Variants in CDAN1 observed in about 807,000 individuals in gnomAD.
The protein encoded by CDAN1 is codanin 1.
Under a neutral mutation model 139.8 loss-of-function variants are expected in CDAN1, and 107 were observed. The observed-to-expected ratio is 0.77, with a 90% CI of 0.65 to 0.90. The LOEUF is 0.90. CDAN1 is among the 40% of genes least tolerant of loss of function. The pLI, the probability that CDAN1 is intolerant of heterozygous loss-of-function variation, is 0.00. For synonymous variants in CDAN1, 776 were observed against 660.6 expected (o/e 1.17, Z -2.68); for missense variants, 1,667 against 1,575.7 (o/e 1.06, Z -0.98).
In CDAN1 at chr15:42,729,903, A is replaced by G; in HGVS notation, c.2263-18T>C. The G allele has an allele frequency of 6.2e-7, 1 of 1,603,504 alleles. No individual in the cohort carries two copies. ...GTGGGAATCTGGCAAGACAGTCACA[A>G]TTCAGGTCAACTTCAGAGACCCCCA... On this transcript the variant is annotated intron_variant, in intron 15 of 27. Coordinates refer to ENST00000356231, the MANE Select transcript of CDAN1 (RefSeq NM_138477.4).
At position 42,725,149 on chromosome 15, in the gene CDAN1, G is replaced by T; in HGVS notation, c.3553C>A (p.Pro1185Thr). ...CLGSLHQAQW[P>T]GDFAEELATL... ...AAAGACAGGAGACTCCTTACCCCTGGCCACTGGGCCTGGTGGAGGCTGCCC... is the reference window on the plus strand; with the variant it reads ...AAAGACAGGAGACTCCTTACCCCTGTCCACTGGGCCTGGTGGAGGCTGCCC... The change falls in exon 27 of 28, where the codon CCA becomes ACA. Residue 1185 changes from proline (P) to threonine (T), a missense_variant. By Grantham distance (38) the Pro-to-Thr change is conservative. Coordinates refer to ENST00000356231, the MANE Select transcript of CDAN1 (RefSeq NM_138477.4). 2 of 1,612,788 alleles carry T rather than the reference G, an allele frequency of 1.2e-6. No individual in the cohort carries two copies. The highest frequency in any genetic ancestry group is 1.7e-6 in the Non-Finnish European group (2 of 1,178,800).
At position 42,731,298 on chromosome 15, in the gene CDAN1, C is replaced by G; in HGVS notation, c.1773G>C (p.Leu591=). 6.2e-7 allele frequency: 1 copy of G among 1,614,116 alleles called. No individual in the cohort carries two copies. The highest frequency in any genetic ancestry group is 8.5e-7 in the Non-Finnish European group (1 of 1,180,022). The change falls in exon 12 of 28, where the codon CTG becomes CTC. Residue 591 remains leucine, a synonymous_variant. Coordinates refer to ENST00000356231, the MANE Select transcript of CDAN1 (RefSeq NM_138477.4). The stretch of plus-strand genomic sequence containing the variant: ...CATTGAGCTCCTGGATCTTCAAGCT[C>G]AGACTGTCCATGAGATGCTGGTTAA... The part of the protein sequence containing the change: ...FQFNQHLMDS[L]SLKIQELNGL...
At chr15:42,731,352 G>A in intron 11 of CDAN1, 21 bp from the exon 12 acceptor site, 1 of 1,612,856 alleles carries the variant, frequency 6.2e-7, no homozygotes, top group Non-Finnish European at 8.5e-7. Context: ...GGGGTGGGTG[G>A]GGCATAAGCA....
chr15:42,724,558 G>A lies in CDAN1; in HGVS notation c.3617C>T (p.Pro1206Leu). The change falls in exon 28 of 28, where the codon CCA becomes CTA. Residue 1206 changes from proline to leucine, a missense_variant. Transcript: ENST00000356231. ...SNLFLAEPHL[P>L]EPQLRACELV... is the part of the protein sequence containing the mutation. Reference sequence around the variant, plus strand: ...CTCACAGGCTCTTAGCTGGGGTTCTGGCAGGTGGGGCTCGGCTAGAAACAG... The same window carrying A: ...CTCACAGGCTCTTAGCTGGGGTTCTAGCAGGTGGGGCTCGGCTAGAAACAG... 1 of 1,557,068 alleles carries A rather than the reference G, an allele frequency of 6.4e-7. No homozygotes were observed. Among genetic ancestry groups the A allele is most frequent in the African/African-American group, 1.4e-5 (1 of 73,558 alleles).
intron 10 of CDAN1, 95 bp from the exon 11 acceptor site, chr15:42,731,920 G>A: frequency 9.1e-7 from 1 of 1,098,522 alleles, no homozygotes; most frequent in Non-Finnish European, 1.4e-6. Context: ...AACATTTAAG[G>A]AATGCCAACT....
At chr15:42,726,482 TGGGACA>T in intron 23 of CDAN1, 65 bp from the exon 24 acceptor site, 1 of 1,333,322 alleles carries the variant, frequency 7.5e-7, no homozygotes. Flanking sequence ...GAATTTGGCT[TGGGACA>T]GGGATCAGCC....
chr15:42,728,744 C>G lies in CDAN1; in HGVS notation c.2712G>C (p.Gln904His). 1.2e-6 allele frequency: 2 copies of G among 1,614,222 alleles called. No homozygotes were observed. The highest frequency in any genetic ancestry group is 1.7e-6 in the Non-Finnish European group (2 of 1,180,044). Residue 904 changes from glutamine to histidine, a missense_variant, in exon 20 of 28, where the codon CAG becomes CAC. Transcript: ENST00000356231. ...GGGCTGGGTCTCCCCCTTCCTCTCCCTGTGTCACCAGCTGCTCTTGGAGAA... is the reference window on the plus strand; with the variant it reads ...GGGCTGGGTCTCCCCCTTCCTCTCCGTGTGTCACCAGCTGCTCTTGGAGAA... The part of the protein sequence containing the change: ...ESLLQEQLVT[Q>H]GEEGGDPAQL...
At chr15:42,734,152 C>A (rs2061655315) in intron 7 of CDAN1, 74 bp downstream of exon 7, 2 of 1,610,518 alleles carry the variant, frequency 1.2e-6, no homozygotes, top group African/African-American at 1.3e-5. Context: ...GTGTCGTCAG[C>A]AGGGTTGCCT....
chr15:42,728,615 A>G, intron 20 of CDAN1, 37 bp downstream of exon 20: 2 of 1,612,794 alleles, frequency 1.2e-6, no homozygotes, highest in South Asian at 1.1e-5. Flanking sequence ...AGAGAAAGCC[A>G]AGAGGAGAGT....
rs1359709799 is a variant in CDAN1 at position 42,727,935 on chromosome 15, T to A, written c.2947+20A>T. On this transcript the variant is annotated intron_variant, in intron 22 of 27. Coordinates refer to ENST00000356231, the MANE Select transcript of CDAN1 (RefSeq NM_138477.4). ...CTTTTTAAACACTTGATTCAGCCAC[T>A]CCCCCATCCAGGACCTTACCTGTGA... 6.8e-6 allele frequency: 11 copies of A among 1,611,492 alleles called. No individual in the cohort carries two copies. Among genetic ancestry groups the A allele is most frequent in the Non-Finnish European group, 9.3e-6 (11 of 1,177,784 alleles).
At chr15:42,726,704 C>T in intron 23 of CDAN1, 1 of 519,178 alleles carries the variant, frequency 1.9e-6, no homozygotes, top group Non-Finnish European at 3.5e-6. Context: ...TGTAGCTAAC[C>T]AACTCCCATA....
rs1333483874 is a variant in CDAN1, at chr15:42,736,773, G to A, written c.98C>T (p.Ala33Val). 1.3e-6 allele frequency: 2 copies of A among 1,543,424 alleles called. No homozygotes were observed. Among genetic ancestry groups the A allele is most frequent in the African/African-American group, 1.4e-5 (1 of 70,580 alleles). Residue 33 changes from alanine to valine, a missense_variant, in exon 2 of 28, where the codon GCT becomes GTT. By Grantham distance (64) the Ala-to-Val change is moderately conservative (BLOSUM62 0). Around this residue, in one of 3 missense-constraint regions of CDAN1, gnomAD observed 487 missense variants for 422.2 expected, o/e 1.15. Transcript: ENST00000356231. ...ARSTQGSEDN[A>V]GEAAALSSLR... is the part of the protein sequence containing the mutation. ...TGAGCTCAGCGCGGCCGCCTCCCCA[G>A]CGTTATCCTAGGGCAGAAGCACAGG...
At position 42,729,075 on chromosome 15, in the gene CDAN1, T is replaced by C. The variant is rs756837657; in HGVS notation, c.2593A>G (p.Thr865Ala). The C allele has an allele frequency of 1.2e-6, 2 of 1,614,204 alleles. No homozygotes were observed. The highest frequency in any genetic ancestry group is 2.2e-5 in the South Asian group (2 of 91,078). Residue 865 changes from threonine (T) to alanine (A), a missense_variant, in exon 19 of 28, where the codon ACC becomes GCC. Around this residue, in one of 3 missense-constraint regions of CDAN1, gnomAD observed 936 missense variants for 844.1 expected, o/e 1.11. Transcript: ENST00000356231. The stretch of plus-strand genomic sequence containing the variant: ...ATTCTTTCTGCCACGAACTCTACGG[T>C]CCGGCGCAAGGAGGGCGGCTGGTTG... ...FHNQPPSLRR[T>A]VEFVAERIGS...
In CDAN1 at chr15:42,735,176, A is replaced by T; in HGVS notation, c.1060T>A (p.Ser354Thr). Reference protein sequence around the residue: ...DPELSPAVLDSLESPLFQSIH... With the variant: ...DPELSPAVLDTLESPLFQSIH... ...CTTTGGAACAGTGGACTTTCCAGGG[A>T]ATCTAGAAGGACAGTACCAAGCTGT... Residue 354 changes from serine (S) to threonine (T), a missense_variant and splice_region_variant, in exon 6 of 28, where the codon TCC (serine) becomes ACC (threonine). Ser to Thr is a moderately conservative substitution (Grantham distance 58, BLOSUM62 1). Around this residue, in one of 3 missense-constraint regions of CDAN1, gnomAD observed 244 missense variants for 309.4 expected, o/e 0.79. Transcript: ENST00000356231. 1 of 1,613,302 alleles carries T rather than the reference A, an allele frequency of 6.2e-7. No individual in the cohort carries two copies. Among genetic ancestry groups the T allele is most frequent in the Non-Finnish European group, 8.5e-7 (1 of 1,179,274 alleles).
At chr15:42,735,041 C>T (rs2061669037) in intron 6 of CDAN1, 59 bp downstream of exon 6, 1 of 1,199,462 alleles carries the variant, frequency 8.3e-7, no homozygotes, top group Non-Finnish European at 1.2e-6. Context: ...TCCCAAGCAG[C>T]CAGAGAGCTA....
chr15:42,724,416 G>T lies in CDAN1; in HGVS notation c.*75C>A. 6.5e-7 allele frequency: 1 copy of T among 1,538,302 alleles called. No homozygotes were observed. The highest frequency in any genetic ancestry group is 8.8e-7 in the Non-Finnish European group (1 of 1,140,534). On this transcript the variant is annotated 3_prime_UTR_variant, in exon 28 of 28. Transcript: ENST00000356231. ...ACCCCAACCAGTGAGGGTCTGCATT[G>T]GGCACTTGGGCCTCCTCGTGAGGCG...
rs150001291 is a variant in CDAN1, at chr15:42,730,276, C to T, written c.2175-61G>A. On this transcript the variant is annotated intron_variant, in intron 14 of 27. Transcript: ENST00000356231. ...GAAAGGGGAAGGGAATGGAGGCAAA[C>T]GCCATCAGTGGAAACTGGCTTGCAA... 378 of 1,458,114 alleles carry T rather than the reference C, an allele frequency of 2.6e-4. 1 individual carries two copies. The African/African-American group carries it at 4.6e-3, about 18-fold the overall frequency. 90.3% of individuals were successfully genotyped at this position (1,458,114 alleles called of 1,614,324 possible). A position where few individuals can be genotyped will look rare whatever the true frequency, so the allele number is the denominator to read the frequency against.
In CDAN1 at chr15:42,735,988, G is replaced by A. The variant is rs1206075554; in HGVS notation, c.660C>T (p.Ile220=). 6.2e-7 allele frequency: 1 copy of A among 1,614,196 alleles called. No homozygotes were observed. Among genetic ancestry groups the A allele is most frequent in the East Asian group, 2.2e-5 (1 of 44,864 alleles). The change falls in exon 3 of 28, where the codon ATC becomes ATT. Residue 220 remains isoleucine, a synonymous_variant. Transcript: ENST00000356231. ...AGGGTTGGGAACTGGGGACACAGCT[G>A]ATTGGGGGTGAGGTGAAGCAGGTCT... is the stretch of plus-strand genomic sequence containing the variant. ...KPKTCFTSPP[I]SCVPSSQPSA... is the part of the protein sequence containing the mutation.
intron 11 of CDAN1, 42 bp from the exon 12 acceptor site, chr15:42,731,373 T>C (rs764425123): frequency 6.2e-7 from 1 of 1,610,922 alleles, no homozygotes; most frequent in Non-Finnish European, 8.5e-7. Context: ...CTGGAAGAGG[T>C]ACAGGAAAAG....
Sources: allele counts gnomAD v4.1 joint callset, GRCh38; gene constraint gnomAD v4.1.1; regional missense constraint gnomAD v4.1.1; transcripts MANE v1.5; gene names NCBI Gene and HGNC (gene_info 2026-07-23, HGNC 2026-07-21).